ZNF609: variants seen among roughly 807,000 people sequenced by gnomAD.
ZNF609 encodes the protein zinc finger protein 609.
In ZNF609, 11 loss-of-function variants were observed where a neutral mutation model predicts 109.5. That is an observed-to-expected ratio of 0.10 (90% CI 0.06 to 0.17). The LOEUF (loss-of-function observed/expected upper bound fraction) is 0.17. Among genes scored for constraint, ZNF609 ranks in the 10% least tolerant of loss-of-function variants. The pLI is 1.00. For missense variants in ZNF609, 1,559 were observed against 1,772.4 expected (o/e 0.88, Z 2.16); for synonymous variants, 646 against 662.0 (o/e 0.98, Z 0.37).
intron 2 of ZNF609, among the ~76,000 whole-genome samples, chr15:64,606,291 G>T (rs1177740985): frequency 6.6e-6 from 1 of 151,384 alleles, no homozygotes; most frequent in Non-Finnish European, 1.5e-5. Context: ...CTTTCTGTAG[G>T]CCGGGCGCGG....
At chr15:64,478,966 CTG>C (rs1341045697) in intron 1 of ZNF609, among the ~76,000 whole-genome samples, 1 of 152,152 alleles carries the variant, frequency 6.6e-6, no homozygotes, top group African/African-American at 2.4e-5. Flanking sequence ...ACTGACCAAA[CTG>C]TATTGCTTTT....
rs559661104 is a variant in ZNF609, at chr15:64,516,808, A to G, written c.747+16642A>G. ...GGGATGGTTCCTTATAATTGCATTT[A>G]TCCTTCTTATGTGTTTCTGTATCTT... On this transcript the variant is annotated intron_variant, in intron 2 of 9. Transcript: ENST00000326648. Among the ~76,000 whole-genome samples the G allele has an allele frequency of 5.9e-5, 9 of 152,256 alleles. No individual in the cohort carries two copies. The South Asian group carries it at 1.9e-3, about 32-fold the overall frequency.
Position 64,499,953 on chromosome 15 carries a change from T to C in ZNF609, c.534T>C (p.Cys178=), listed in dbSNP as rs775479843. ...AGAGAAGCGAAGGAGTGGGGACTTG[T>C]TCAGAAAAGGATCCTGGGGTCCTCC... The part of the protein sequence containing the change: ...KKERSEGVGT[C]SEKDPGVLQP... The change falls in exon 2 of 10, where the codon TGT becomes TGC. Residue 178 remains cysteine (C), a synonymous_variant. Coordinates refer to ENST00000326648, the MANE Select transcript of ZNF609 (RefSeq NM_015042.2). 1.2e-6 allele frequency: 2 copies of C among 1,614,044 alleles called. No homozygotes were observed. The highest frequency in any genetic ancestry group is 1.7e-5 in the Admixed American group (1 of 59,990).
chr15:64,564,911 G>A (rs1325095220), intron 2 of ZNF609, among the ~76,000 whole-genome samples: 1 of 150,954 alleles, frequency 6.6e-6, no homozygotes. Flanking sequence ...GCAGTGGTGC[G>A]ATCTCCGCTC....
chr15:64,578,858 G>A (rs1323183075), intron 2 of ZNF609, among the ~76,000 whole-genome samples: 1 of 152,048 alleles, frequency 6.6e-6, no homozygotes, highest in African/African-American at 2.4e-5. Context: ...AAACTATATG[G>A]GTATGGTGGC....
intron 2 of ZNF609, among the ~76,000 whole-genome samples, chr15:64,591,483 T>A (rs1895296379): frequency 6.6e-6 from 1 of 151,962 alleles, no homozygotes; most frequent in Admixed American, 6.6e-5. Flanking sequence ...CGAGACCCTG[T>A]CTCTATAAAA....
chr15:64,622,740 G>A, intron 2 of ZNF609, 87 bp from the exon 3 acceptor site: 1 of 1,156,678 alleles, frequency 8.6e-7, no homozygotes, highest in Non-Finnish European at 1.3e-6. Flanking sequence ...GGCAGGAATA[G>A]ATATAGGACT....
chr15:64,529,587 C>A, intron 2 of ZNF609: 1 of 1,360,526 alleles, frequency 7.4e-7, no homozygotes, highest in Admixed American at 1.7e-5. Context: ...CAACAATATC[C>A]ACTTTACCAG....
chr15:64,491,704 G>A (rs988082366), intron 1 of ZNF609, among the ~76,000 whole-genome samples: 1 of 151,942 alleles, frequency 6.6e-6, no homozygotes, highest in Non-Finnish European at 1.5e-5. Context: ...AAAATTAGCC[G>A]AGTATGGTGG....
intron 2 of ZNF609, among the ~76,000 whole-genome samples, chr15:64,544,126 G>A (rs1160425145): frequency 1.3e-5 from 2 of 152,160 alleles, no homozygotes; most frequent in African/African-American, 4.8e-5. Flanking sequence ...ATCACCTTAG[G>A]TCAGGAGTTT....
chr15:64,552,350 G>T (rs1350272305), intron 2 of ZNF609, among the ~76,000 whole-genome samples: 1 of 152,072 alleles, frequency 6.6e-6, no homozygotes, highest in Admixed American at 6.6e-5. Context: ...GCAAGGTATG[G>T]ATTAAAATGG....
intron 2 of ZNF609, among the ~76,000 whole-genome samples, chr15:64,565,014 A>AT (rs549565283): frequency 1.2e-3 from 178 of 145,752 alleles, no homozygotes; most frequent in African/African-American, 4.3e-3. Context: ...CGCCTGGCTA[A>AT]TTTTTTTGTA....
chr15:64,608,904 A>G (rs1895658753), intron 2 of ZNF609, among the ~76,000 whole-genome samples: 1 of 151,674 alleles, frequency 6.6e-6, no homozygotes, highest in East Asian at 1.9e-4. Context: ...ATGCCCAGCT[A>G]ATTTTTTTTA....
intron 2 of ZNF609, among the ~76,000 whole-genome samples, chr15:64,599,168 GTTTTTTTTTTTTT>G (rs556122154): frequency 6.5e-5 from 3 of 46,498 alleles, no homozygotes; most frequent in East Asian, 6.6e-4. Context: ...TTTTGTGGTG[GTTTTTTTTTTTTT>G]TTTTTTTTTT....
At chr15:64,573,352 T>C (rs1450431637) in intron 2 of ZNF609, among the ~76,000 whole-genome samples, 1 of 102,136 alleles carries the variant, frequency 9.8e-6, no homozygotes, top group African/African-American at 3.4e-5. Context: ...CTTTCTTTTT[T>C]TTTTTTTTTT....
At chr15:64,507,160 A>G (rs1893649675) in intron 2 of ZNF609, among the ~76,000 whole-genome samples, 1 of 152,150 alleles carries the variant, frequency 6.6e-6, no homozygotes. Flanking sequence ...TGTTGGATAG[A>G]TGTTACTGTG....
chr15:64,541,351 C>T (rs1375683509), intron 2 of ZNF609, among the ~76,000 whole-genome samples: 2 of 145,962 alleles, frequency 1.4e-5, no homozygotes, highest in South Asian at 2.1e-4. Flanking sequence ...GGCGTGAACC[C>T]GGGAGGCGGA....
intron 2 of ZNF609, among the ~76,000 whole-genome samples, chr15:64,600,872 G>T (rs1281044128): frequency 6.6e-6 from 1 of 152,108 alleles, no homozygotes; most frequent in African/African-American, 2.4e-5. Flanking sequence ...TTGCTCTAGG[G>T]AGTTGTTGTA....
intron 3 of ZNF609, among the ~76,000 whole-genome samples, chr15:64,666,359 A>C (rs1896648650): frequency 6.6e-6 from 1 of 152,182 alleles, no homozygotes; most frequent in Admixed American, 6.5e-5. Context: ...GCACTACTGC[A>C]CTCTAGCTTG....
Sources: gnomAD v4.1 joint callset for allele counts (sites outside exome capture counted in the v4.1 genomes callset) on GRCh38, gnomAD v4.1.1 for gene constraint, MANE v1.5 for transcripts, NCBI Gene and HGNC (gene_info 2026-07-23, HGNC 2026-07-21) for gene names.